The following SS18 variants were observed in gnomAD, a reference collection of about 807,000 sequenced individuals.
SS18 encodes the protein SS18 subunit of BAF chromatin remodeling complex.
SS18 carries 28 observed loss-of-function variants against 72.5 expected under a neutral mutation model. The observed-to-expected ratio is 0.39, with a 90% CI of 0.29 to 0.53. The LOEUF is 0.53. Ranked by LOEUF, SS18 falls within the 20% of genes least tolerant of loss-of-function variation. The pLI is 0.76. For missense variants in SS18, 518 were observed against 535.3 expected, an observed-to-expected ratio of 0.97 and a Z score of 0.32; for synonymous variants, 172 against 164.2, an observed-to-expected ratio of 1.05 and a Z score of -0.37.
chr18:26,052,283 A>G (rs1457873294), intron 5 of SS18, among the ~76,000 whole-genome samples: 3 of 152,250 alleles, frequency 2.0e-5, no homozygotes, highest in Non-Finnish European at 2.9e-5. Context: ...AAATTAATAC[A>G]TCCTTAATAA....
chr18:26,040,527 T>G (rs1244721241), intron 5 of SS18, among the ~76,000 whole-genome samples: 1 of 152,172 alleles, frequency 6.6e-6, no homozygotes, highest in African/African-American at 2.4e-5. Flanking sequence ...CTGGAAAGGT[T>G]TCACAGATGA....
chr18:26,047,590 C>T (rs1055065349), intron 5 of SS18, among the ~76,000 whole-genome samples: 51 of 152,182 alleles, frequency 3.4e-4, no homozygotes, highest in African/African-American at 1.2e-3. Context: ...GTCTGTAATC[C>T]CAGCACTTTG....
chr18:26,056,257 A>T (rs1010188101), intron 4 of SS18, among the ~76,000 whole-genome samples: 1 of 152,230 alleles, frequency 6.6e-6, no homozygotes, highest in African/African-American at 2.4e-5. Flanking sequence ...AGAGAATTTA[A>T]GTCAAAATCC....
intron 10 of SS18, among the ~76,000 whole-genome samples, chr18:26,025,273 C>T (rs1282370444): frequency 6.6e-6 from 1 of 152,024 alleles, no homozygotes; most frequent in African/African-American, 2.4e-5. Flanking sequence ...GAAAGAAAGA[C>T]AGTTCTTAAA....
chr18:26,047,131 CCTA>C (rs1199446411), intron 5 of SS18, among the ~76,000 whole-genome samples: 1 of 151,964 alleles, frequency 6.6e-6, no homozygotes, highest in Non-Finnish European at 1.5e-5. Flanking sequence ...TAGTACCTTA[CCTA>C]CTACCTCAAG....
In SS18 at chr18:26,039,306, T is replaced by C. The variant is rs2053682350; in HGVS notation, c.758A>G (p.Tyr253Cys). The change falls in exon 6 of 11, where the codon TAT (tyrosine) becomes TGT (cysteine). Residue 253 changes from tyrosine (Y) to cysteine (C), a missense_variant. By Grantham distance (194) the Tyr-to-Cys change is radical. Transcript: ENST00000415083. ...HMMGQRQIPP[Y>C]RPPQQGPPQQ... ...AATCTTACCCTGTTGAGGAGGTCTA[T>C]AGGGAGGAATCTGTCTCTGACCCAT... The C allele has an allele frequency of 2.5e-6, 4 of 1,612,994 alleles. No individual in the cohort carries two copies. Among genetic ancestry groups the C allele is most frequent in the Non-Finnish European group, 3.4e-6 (4 of 1,179,356 alleles).
chr18:26,070,210 T>A (rs1162206624), intron 3 of SS18, among the ~76,000 whole-genome samples: 1 of 152,210 alleles, frequency 6.6e-6, no homozygotes, highest in Non-Finnish European at 1.5e-5. Flanking sequence ...AGTTTGTTGT[T>A]TCAGAAAGTA....
Position 26,016,766 on chromosome 18 carries a change from G to C in SS18, c.*1588C>G. The C allele has an allele frequency of 4.3e-6, 1 of 229,896 alleles. No homozygotes were observed. Among genetic ancestry groups the C allele is most frequent in the Non-Finnish European group, 8.6e-6 (1 of 115,878 alleles). 14.2% of individuals were successfully genotyped at this position (229,896 alleles called of 1,614,324 possible). A position where few individuals can be genotyped will look rare whatever the true frequency, so the allele number is the denominator to read the frequency against. On this transcript the variant is annotated 3_prime_UTR_variant, in exon 11 of 11. Coordinates refer to ENST00000415083, the MANE Select transcript of SS18 (RefSeq NM_001007559.3). ...ACAAAAAACAAAAACAAAAAAACCT[G>C]TTCTGACCTTGAAACACACAAACAC... is the stretch of plus-strand genomic sequence containing the variant.
intron 6 of SS18, 52 bp downstream of exon 6, chr18:26,039,237 T>C: frequency 7.3e-7 from 1 of 1,361,820 alleles, no homozygotes; most frequent in Admixed American, 2.0e-5. Flanking sequence ...GTCATTAAAA[T>C]TTAAAGCCTT....
chr18:26,075,569 C>T (rs1199904695), intron 3 of SS18, among the ~76,000 whole-genome samples: 1 of 151,828 alleles, frequency 6.6e-6, no homozygotes, highest in Admixed American at 6.6e-5. Context: ...ACATCAGAAA[C>T]AGAAAGGAGC....
intron 10 of SS18, among the ~76,000 whole-genome samples, chr18:26,025,415 G>A (rs1192881463): frequency 2.0e-5 from 3 of 152,058 alleles, no homozygotes; most frequent in Middle Eastern, 6.8e-3. Context: ...TGGGCAAAAG[G>A]CAATAAATAA....
chr18:26,020,142 A>T (rs906903807), intron 10 of SS18, among the ~76,000 whole-genome samples: 5 of 152,202 alleles, frequency 3.3e-5, no homozygotes, highest in African/African-American at 1.2e-4. Flanking sequence ...TAGATTGTCT[A>T]AATACTAAAT....
chr18:26,027,368 G>A (rs1479951763), intron 10 of SS18, among the ~76,000 whole-genome samples: 4 of 151,916 alleles, frequency 2.6e-5, no homozygotes, highest in Admixed American at 2.6e-4. Flanking sequence ...AGAGTTTTTG[G>A]CTGGGCACGG....
chr18:26,018,149 T>C lies in SS18; in HGVS notation c.*205A>G. 1 of 465,930 alleles carries C rather than the reference T, an allele frequency of 2.1e-6. No homozygotes were observed. The highest frequency in any genetic ancestry group is 3.8e-5 in the South Asian group (1 of 26,546). The allele number at this position is 465,930 out of a possible 1,614,324, so 28.9% of individuals were successfully genotyped here. ...CCAATGTTGCCATCTAGAGTAGAAATGTGAAATCAAGAGTATTTTTGAGCT... is the reference window on the plus strand; with the variant it reads ...CCAATGTTGCCATCTAGAGTAGAAACGTGAAATCAAGAGTATTTTTGAGCT... On this transcript the variant is annotated 3_prime_UTR_variant, in exon 11 of 11. Transcript: ENST00000415083.
chr18:26,055,217 A>G (rs1391239173), intron 4 of SS18, among the ~76,000 whole-genome samples: 2 of 152,022 alleles, frequency 1.3e-5, no homozygotes, highest in Admixed American at 6.5e-5. Flanking sequence ...CTGCAATCCC[A>G]GCACTTTGGG....
At chr18:26,042,714 C>T (rs1024791473) in intron 5 of SS18, among the ~76,000 whole-genome samples, 1 of 151,422 alleles carries the variant, frequency 6.6e-6, no homozygotes, top group Non-Finnish European at 1.5e-5. Flanking sequence ...GGTACAACAC[C>T]CCAGGCTAGG....
intron 10 of SS18, among the ~76,000 whole-genome samples, chr18:26,026,698 CTT>C (rs1404606339): frequency 1.3e-5 from 2 of 152,006 alleles, no homozygotes; most frequent in African/African-American, 4.8e-5. Flanking sequence ...AGGAGACTGT[CTT>C]TATTCACAGA....
chr18:26,046,140 C>CA (rs1364703009), intron 5 of SS18, among the ~76,000 whole-genome samples: 4 of 128,062 alleles, frequency 3.1e-5, no homozygotes, highest in Middle Eastern at 6.2e-3. Context: ...TGCAATGAGC[C>CA]AAGATTGCAC....
At chr18:26,049,013 C>A (rs1169852809) in intron 5 of SS18, among the ~76,000 whole-genome samples, 1 of 152,192 alleles carries the variant, frequency 6.6e-6, no homozygotes, top group East Asian at 1.9e-4. Context: ...AAAGGTCCCA[C>A]ATACAGTAAG....
Sources: gnomAD v4.1 joint callset for allele counts (sites outside exome capture counted in the v4.1 genomes callset) on GRCh38, gnomAD v4.1.1 for gene constraint, MANE v1.5 for transcripts, NCBI Gene and HGNC (gene_info 2026-07-23, HGNC 2026-07-21) for gene names.